Variants in PLPPR4 observed in about 807,000 individuals in gnomAD.
The protein encoded by PLPPR4 is phospholipid phosphatase-related protein type 4.
In PLPPR4, 24 loss-of-function variants were observed where a neutral mutation model predicts 56.6. The observed-to-expected ratio is 0.42, with a 90% confidence interval of 0.31 to 0.60. The LOEUF (loss-of-function observed/expected upper bound fraction) is 0.60, where lower values mean the gene tolerates loss of function less well. Ranked by LOEUF, PLPPR4 falls within the 20% of genes least tolerant of loss-of-function variation. The pLI is 0.13. For missense variants in PLPPR4, 654 were observed against 885.8 expected (o/e 0.74, Z 3.32); for synonymous variants, 326 against 328.1 (o/e 0.99, Z 0.07).
chr1:99,303,398 G>A (rs1659936170), intron 6 of PLPPR4, among the ~76,000 whole-genome samples: 1 of 152,148 alleles, frequency 6.6e-6, no homozygotes, highest in Non-Finnish European at 1.5e-5. Flanking sequence ...CAGTTAAGTA[G>A]TTGCTTCTGG....
intron 2 of PLPPR4, 23 bp from the exon 3 acceptor site, chr1:99,296,715 T>G (rs776457841): frequency 6.4e-7 from 1 of 1,558,250 alleles, no homozygotes. Context: ...TGCCTCTTCC[T>G]GAATACCCTT....
chr1:99,275,476 T>C (rs949842710), intron 1 of PLPPR4, among the ~76,000 whole-genome samples: 1 of 152,150 alleles, frequency 6.6e-6, no homozygotes, highest in Admixed American at 6.6e-5. Context: ...TGTAGAACAA[T>C]GCAAATAGCT....
At chr1:99,290,140 C>T (rs908940627) in intron 2 of PLPPR4, among the ~76,000 whole-genome samples, 2 of 152,024 alleles carry the variant, frequency 1.3e-5, no homozygotes, top group Non-Finnish European at 2.9e-5. Flanking sequence ...CAATCCTATA[C>T]CCCAACAACA....
At chr1:99,265,147 C>A (rs1372389829) in intron 1 of PLPPR4, among the ~76,000 whole-genome samples, 1 of 39,072 alleles carries the variant, frequency 2.6e-5, no homozygotes, top group Non-Finnish European at 4.5e-5. Context: ...TGCTCCTGCC[C>A]CCCCCCCCCA....
At chr1:99,267,459 C>T (rs1410546765) in intron 1 of PLPPR4, among the ~76,000 whole-genome samples, 1 of 152,130 alleles carries the variant, frequency 6.6e-6, no homozygotes, top group Non-Finnish European at 1.5e-5. Context: ...TTACTTCTCT[C>T]ATCCTTAGTT....
At position 99,288,069 on chromosome 1, in the gene PLPPR4, C is replaced by T. The variant is rs762196732; in HGVS notation, c.183C>T (p.Ser61=). The change falls in exon 2 of 7, where the codon AGC becomes AGT. Residue 61 remains serine, a synonymous_variant. Transcript: ENST00000370185. ...TTAGCTGCTATGACCGGAGTCTTAG[C>T]ATGCCGTACATTGAACCAACCCAGG... ...SGFSCYDRSL[S]MPYIEPTQEA... is the part of the protein sequence containing the mutation. The T allele has an allele frequency of 2.5e-6, 4 of 1,613,820 alleles. No individual in the cohort carries two copies. The highest frequency in any genetic ancestry group is 1.7e-5 in the Admixed American group (1 of 59,974).
At chr1:99,281,938 A>G (rs1032722855) in intron 1 of PLPPR4, among the ~76,000 whole-genome samples, 1 of 152,150 alleles carries the variant, frequency 6.6e-6, no homozygotes, top group Non-Finnish European at 1.5e-5. Context: ...TTCTTGTGAC[A>G]TTACTTATAT....
At chr1:99,283,541 A>T (rs1659383286) in intron 1 of PLPPR4, among the ~76,000 whole-genome samples, 1 of 152,158 alleles carries the variant, frequency 6.6e-6, no homozygotes, top group African/African-American at 2.4e-5. Context: ...AACAGTTATA[A>T]TTTTTCTTCT....
At position 99,305,821 on chromosome 1, in the gene PLPPR4, G is replaced by C; in HGVS notation, c.959G>C (p.Gly320Ala). 1 of 1,614,064 alleles carries C rather than the reference G, an allele frequency of 6.2e-7. No homozygotes were observed. Among genetic ancestry groups the C allele is most frequent in the Non-Finnish European group, 8.5e-7 (1 of 1,180,014 alleles). Residue 320 changes from glycine to alanine, a missense_variant, in exon 7 of 7, where the codon GGA (glycine) becomes GCA (alanine). Gly to Ala is a moderately conservative substitution (Grantham distance 60, BLOSUM62 0). Coordinates refer to ENST00000370185, the MANE Select transcript of PLPPR4 (RefSeq NM_014839.5). The part of the protein sequence containing the change: ...LSAKNGSSSD[G>A]IAHTEGILNR... ...GCTAAAAATGGTAGCAGCAGTGATG[G>C]AATTGCTCATACAGAAGGCATCCTC...
At chr1:99,265,046 G>A (rs1176674291) in intron 1 of PLPPR4, among the ~76,000 whole-genome samples, 3 of 152,158 alleles carry the variant, frequency 2.0e-5, no homozygotes, top group Non-Finnish European at 4.4e-5. Flanking sequence ...TGCCGAGTAC[G>A]TGTCGGGAAC....
intron 6 of PLPPR4, among the ~76,000 whole-genome samples, chr1:99,302,769 G>C (rs896017968): frequency 6.8e-6 from 1 of 146,998 alleles, no homozygotes; most frequent in African/African-American, 2.5e-5. Flanking sequence ...GCGGTGTTTG[G>C]TTTTTTATCT....
intron 2 of PLPPR4, among the ~76,000 whole-genome samples, chr1:99,293,088 G>A (rs548425699): frequency 1.1e-4 from 17 of 152,274 alleles, no homozygotes; most frequent in Non-Finnish European, 1.5e-5. Context: ...GTGTCCAAAA[G>A]GACTTGTGTG....
intron 4 of PLPPR4, 93 bp from the exon 5 acceptor site, chr1:99,300,816 A>T: frequency 2.1e-6 from 2 of 939,036 alleles, no homozygotes; most frequent in Non-Finnish European, 3.5e-6. Context: ...TGTGACTTTT[A>T]AGTTGAACAT....
intron 1 of PLPPR4, among the ~76,000 whole-genome samples, chr1:99,269,087 C>T (rs912738598): frequency 6.6e-6 from 1 of 152,148 alleles, no homozygotes; most frequent in Non-Finnish European, 1.5e-5. Context: ...GCCCCCCAAC[C>T]CCCACAGGCC....
At position 99,307,178 on chromosome 1, in the gene PLPPR4, C is replaced by A; in HGVS notation, c.*168C>A. The A allele has an allele frequency of 1.3e-6, 1 of 749,130 alleles. No homozygotes were observed. Among genetic ancestry groups the A allele is most frequent in the Non-Finnish European group, 2.1e-6 (1 of 468,364 alleles). The allele number at this position is 749,130 out of a possible 1,614,324, so 46.4% of individuals were successfully genotyped here. On this transcript the variant is annotated 3_prime_UTR_variant, in exon 7 of 7. Coordinates refer to ENST00000370185, the MANE Select transcript of PLPPR4 (RefSeq NM_014839.5). The stretch of plus-strand genomic sequence containing the variant: ...ATACTCAAACTTGCAGATCTCACAT[C>A]AAGGAGAGGGAAAAGCACAATGCAA...
chr1:99,263,671 T>TA (rs1658818257), upstream of PLPPR4, among the ~76,000 whole-genome samples: 3 of 152,314 alleles, frequency 2.0e-5, no homozygotes, highest in African/African-American at 7.2e-5. Flanking sequence ...CCATGTATAC[T>TA]GCCAACAAGA....
At chr1:99,279,856 T>C (rs1659279220) in intron 1 of PLPPR4, among the ~76,000 whole-genome samples, 1 of 152,170 alleles carries the variant, frequency 6.6e-6, no homozygotes, top group Non-Finnish European at 1.5e-5. Flanking sequence ...AAGTAGATAA[T>C]TAGGATGAAA....
chr1:99,301,692 AACAT>A (rs1553193398), intron 5 of PLPPR4, 28 bp from the exon 6 acceptor site: 1 of 1,521,810 alleles, frequency 6.6e-7, no homozygotes, highest in Non-Finnish European at 8.9e-7. Flanking sequence ...TGGCCTTTCT[AACAT>A]ACTTAACCCA....
At chr1:99,288,971 T>C (rs1047872312) in intron 2 of PLPPR4, among the ~76,000 whole-genome samples, 4 of 152,140 alleles carry the variant, frequency 2.6e-5, no homozygotes, top group African/African-American at 9.6e-5. Flanking sequence ...TCTAATGTAC[T>C]GGAACTGAAT....
Sources: allele counts gnomAD v4.1 joint callset (sites outside exome capture counted in the v4.1 genomes callset), GRCh38; gene constraint gnomAD v4.1.1; transcripts MANE v1.5; gene names NCBI Gene and HGNC (gene_info 2026-07-23, HGNC 2026-07-21).